The following CTIF variants were observed in gnomAD, a reference collection of about 807,000 sequenced individuals.
The protein encoded by CTIF is CBP80/20-dependent translation initiation factor.
CTIF carries 21 observed loss-of-function variants against 66.0 expected under a neutral mutation model. That is an observed-to-expected ratio of 0.32 (90% confidence interval 0.23 to 0.46). The LOEUF (loss-of-function observed/expected upper bound fraction) is 0.46. Ranked by LOEUF, CTIF falls within the 20% of genes least tolerant of loss-of-function variation. The pLI is 1.00. For synonymous variants in CTIF, 345 were observed against 326.4 expected, an observed-to-expected ratio of 1.06 and a Z score of -0.62; for missense variants, 739 against 812.7, an observed-to-expected ratio of 0.91 and a Z score of 1.10.
In CTIF at chr18:48,862,842, T is replaced by C. The variant is rs1347006263; in HGVS notation, c.*3283T>C. 1 of 152,232 alleles carries C rather than the reference T, an allele frequency of 6.6e-6. No individual in the cohort carries two copies. The highest frequency in any genetic ancestry group is 1.5e-5 in the Non-Finnish European group (1 of 68,046). The allele number at this position is 152,232 out of a possible 1,614,324, so 9.4% of individuals were successfully genotyped here. On this transcript the variant is annotated 3_prime_UTR_variant, in exon 12 of 12. Coordinates refer to ENST00000256413, the MANE Select transcript of CTIF (RefSeq NM_014772.3). Reference sequence around the variant, plus strand: ...AGAAGCCAAGTCCCAGTCTGTTTTCTGGCATCAGACACCGGCCCGTGTTCC... The same window carrying C: ...AGAAGCCAAGTCCCAGTCTGTTTTCCGGCATCAGACACCGGCCCGTGTTCC...
chr18:48,614,611 G>A (rs755594496), intron 1 of CTIF, among the ~76,000 whole-genome samples: 7 of 152,164 alleles, frequency 4.6e-5, no homozygotes, highest in Non-Finnish European at 1.0e-4. Flanking sequence ...GAAATAAATC[G>A]GTTGTAAAAG....
chr18:48,817,405 C>T, intron 10 of CTIF, 29 bp downstream of exon 10: 1 of 1,589,388 alleles, frequency 6.3e-7, no homozygotes, highest in Non-Finnish European at 8.6e-7. Context: ...GTGCCCCCTG[C>T]ACAGCCAGAC....
chr18:48,695,319 T>C (rs2091990303), intron 6 of CTIF, among the ~76,000 whole-genome samples: 1 of 152,226 alleles, frequency 6.6e-6, no homozygotes, highest in Non-Finnish European at 1.5e-5. Flanking sequence ...CAGCATTTGT[T>C]GAGTACCTGC....
chr18:48,750,601 G>A (rs1907707194), intron 7 of CTIF, among the ~76,000 whole-genome samples: 1 of 152,242 alleles, frequency 6.6e-6, no homozygotes, highest in Non-Finnish European at 1.5e-5. Flanking sequence ...AGCACAGATG[G>A]AAACCAAGGG....
intron 9 of CTIF, among the ~76,000 whole-genome samples, chr18:48,800,605 A>C (rs1321520601): frequency 6.6e-6 from 1 of 152,142 alleles, no homozygotes; most frequent in Non-Finnish European, 1.5e-5. Context: ...ATAACCCCCC[A>C]CACACCCATG....
intron 7 of CTIF, among the ~76,000 whole-genome samples, chr18:48,723,165 G>C (rs1392385386): frequency 6.6e-6 from 1 of 152,130 alleles, no homozygotes; most frequent in Non-Finnish European, 1.5e-5. Context: ...CCCATCTGCA[G>C]ACTCAGCTTC....
chr18:48,605,015 C>T (rs987673033), intron 1 of CTIF, among the ~76,000 whole-genome samples: 2 of 152,148 alleles, frequency 1.3e-5, no homozygotes, highest in African/African-American at 4.8e-5. Context: ...ATTTTGTTAT[C>T]CAGTCATCAG....
At chr18:48,835,978 C>G (rs746273962) in intron 10 of CTIF, among the ~76,000 whole-genome samples, 2 of 152,204 alleles carry the variant, frequency 1.3e-5, no homozygotes, top group African/African-American at 2.4e-5. Flanking sequence ...CTCTGCCCCC[C>G]ACTGTAGGTG....
At position 48,846,097 on chromosome 18, in the gene CTIF, A is replaced by G. The variant is rs565787611; in HGVS notation, c.1528-11491A>G. On this transcript the variant is annotated intron_variant, in intron 10 of 11. Transcript: ENST00000256413. ...AGTGGCTCTCCAGTCCCTTGGGATA[A>G]AATCCAAACTCAGTACCATGGCATC... 2.6e-5 allele frequency among the ~76,000 whole-genome samples: 4 copies of G among 152,372 alleles called. No individual in the cohort carries two copies. In the East Asian group the frequency reaches 7.7e-4, roughly 29 times the overall value.
chr18:48,690,659 T>A (rs16949781), intron 6 of CTIF, among the ~76,000 whole-genome samples: 14,015 of 151,944 alleles, frequency 0.092, 1,831 homozygotes, highest in African/African-American at 0.29. Flanking sequence ...GAACACTCTC[T>A]CAGCAGCCCT....
intron 9 of CTIF, among the ~76,000 whole-genome samples, chr18:48,816,860 A>G (rs1349823951): frequency 6.6e-6 from 1 of 152,188 alleles, no homozygotes; most frequent in Non-Finnish European, 1.5e-5. Context: ...CGGTTTAGCC[A>G]CAGGGAGTTA....
intron 6 of CTIF, among the ~76,000 whole-genome samples, chr18:48,673,148 C>T (rs983797163): frequency 1.3e-5 from 2 of 152,192 alleles, no homozygotes; most frequent in African/African-American, 4.8e-5. Flanking sequence ...CACCTGCTTA[C>T]ATAACTGCCA....
At chr18:48,852,613 C>A (rs2069232609) in intron 10 of CTIF, among the ~76,000 whole-genome samples, 1 of 152,222 alleles carries the variant, frequency 6.6e-6, no homozygotes, top group South Asian at 2.1e-4. Flanking sequence ...GATCCGCAGA[C>A]CCCAGTGCGG....
At chr18:48,655,958 AGAAGATTTGTTGTTTTCACTGCATCT>A (rs1238882344) in intron 3 of CTIF, among the ~76,000 whole-genome samples, 4 of 152,370 alleles carry the variant, frequency 2.6e-5, no homozygotes, top group African/African-American at 9.6e-5. Flanking sequence ...GCCAGCAGCT[AGAAGATTTGTTGTTTTCACTGCATCT>A]GACTTTGTAT....
Position 48,592,009 on chromosome 18 carries a change from C to T in CTIF, c.-28-27529C>T, listed in dbSNP as rs775017139. Among the ~76,000 whole-genome samples, 11 of 152,308 alleles carry T rather than the reference C, an allele frequency of 7.2e-5. No homozygotes were observed. The East Asian group carries it at 1.2e-3, about 16-fold the overall frequency. The stretch of plus-strand genomic sequence containing the variant: ...GCAAGTGATCCTCCTGCCTCTGCTT[C>T]GGAAAGCGCTGGGATTACAGGTGTG... On this transcript the variant is annotated intron_variant, in intron 1 of 11. Coordinates refer to ENST00000256413, the MANE Select transcript of CTIF (RefSeq NM_014772.3).
intron 8 of CTIF, 72 bp downstream of exon 8, chr18:48,758,477 G>T (rs982075018): frequency 6.6e-7 from 1 of 1,518,484 alleles, no homozygotes; most frequent in South Asian, 1.3e-5. Flanking sequence ...TTTGGTAGGT[G>T]GGCACAGTGC....
chr18:48,765,462 G>A (rs1001175534), intron 9 of CTIF, among the ~76,000 whole-genome samples: 6 of 152,236 alleles, frequency 3.9e-5, no homozygotes, highest in African/African-American at 1.4e-4. Context: ...CCTTAGCACA[G>A]CTCCCAGCAG....
At chr18:48,639,571 A>G (rs1412618804) in intron 3 of CTIF, among the ~76,000 whole-genome samples, 3 of 152,190 alleles carry the variant, frequency 2.0e-5, no homozygotes, top group African/African-American at 7.2e-5. Context: ...GCCTGAATTT[A>G]CACGAGGTCT....
intron 7 of CTIF, among the ~76,000 whole-genome samples, chr18:48,749,358 C>T (rs1041099681): frequency 1.3e-5 from 2 of 152,192 alleles, no homozygotes; most frequent in Admixed American, 1.3e-4. Context: ...CAGTATTTCC[C>T]TCGGGATGAT....
Sources: allele counts gnomAD v4.1 joint callset (sites outside exome capture counted in the v4.1 genomes callset), GRCh38; gene constraint gnomAD v4.1.1; transcripts MANE v1.5; gene names NCBI Gene and HGNC (gene_info 2026-07-23, HGNC 2026-07-21).